Variants in FKRP observed in about 807,000 individuals in gnomAD.
FKRP encodes ribitol 5-phosphate transferase FKRP.
In FKRP, 25 loss-of-function variants were observed where a neutral mutation model predicts 30.6. The observed-to-expected ratio is 0.82, with a 90% CI of 0.60 to 1.14. The LOEUF is 1.14. FKRP is among the 50% of genes most tolerant of loss of function. The probability of loss-of-function intolerance (pLI) is 0.00; values close to 1 mark genes in which losing one functional copy is unlikely to be tolerated. For missense variants in FKRP, 771 were observed against 727.8 expected (o/e 1.06, Z -0.68); for synonymous variants, 358 against 342.5 (o/e 1.05, Z -0.50).
At chr19:46,754,028 C>G (rs1022162312) in intron 3 of FKRP, 8 of 151,936 alleles carry the variant, frequency 5.3e-5, no homozygotes, top group Non-Finnish European at 1.0e-4. Flanking sequence ...AGGTTGGCAG[C>G]CTCTTTTGAT....
chr19:46,748,148 A>G (rs2054704296), intron 2 of FKRP, 60 bp downstream of exon 2: 1 of 152,092 alleles, frequency 6.6e-6, no homozygotes, highest in East Asian at 1.9e-4. Context: ...TCATTCCTTA[A>G]GGCTTTCCCA....
chr19:46,751,283 G>C (rs1616495), intron 3 of FKRP, among the ~76,000 whole-genome samples: 107,685 of 151,900 alleles, frequency 0.71, 38,573 homozygotes, highest in African/African-American at 0.79. Flanking sequence ...AGGCTGATCT[G>C]AAACTCCTGG....
In FKRP at chr19:46,746,502, C is replaced by CG. The variant is rs1491025979; in HGVS notation, c.-253+412_-253+413insG. 4 of 796,200 alleles carry CG rather than the reference C, an allele frequency of 5.0e-6. No individual in the cohort carries two copies. In the African/African-American group the frequency reaches 7.8e-5, roughly 15 times the overall value. The allele number at this position is 796,200 out of a possible 1,614,324, so 49.3% of individuals were successfully genotyped here. ...GCGCGGCCGCGCCAACACCCCCCCC[C>CG]CTCCCCCGCCGCAACCACCGCGCGC... On this transcript the variant is annotated intron_variant, in intron 1 of 3. Transcript: ENST00000318584.
chr19:46,755,350 G>T (rs2054885200), intron 3 of FKRP, 62 bp from the exon 4 acceptor site: 1 of 1,061,880 alleles, frequency 9.4e-7, no homozygotes, highest in African/African-American at 1.6e-5. Flanking sequence ...AAGGCTGAGG[G>T]TGGCAGAAGG....
chr19:46,750,800 A>G (rs2054776234), intron 3 of FKRP, among the ~76,000 whole-genome samples: 1 of 151,856 alleles, frequency 6.6e-6, no homozygotes, highest in Admixed American at 6.6e-5. Flanking sequence ...TAGTGCTAGG[A>G]TTACAGGAGT....
Position 46,756,546 on chromosome 19 carries a change from G to A in FKRP, c.1096G>A (p.Gly366Ser), listed in dbSNP as rs1214973681. 1.2e-6 allele frequency: 2 copies of A among 1,605,508 alleles called. No individual in the cohort carries two copies. The highest frequency in any genetic ancestry group is 1.1e-5 in the South Asian group (1 of 89,500). ...IIPWDYDVDL[G>S]IYLEDVGNCE... ...CCCATGGGACTACGACGTGGACCTG[G>A]GCATCTACTTGGAGGACGTGGGCAA... Residue 366 changes from glycine to serine, a missense_variant, in exon 4 of 4, where the codon GGC becomes AGC. By Grantham distance (56) the Gly-to-Ser change is moderately conservative. Coordinates refer to ENST00000318584, the MANE Select transcript of FKRP (RefSeq NM_024301.5). The surrounding 1 kb of genome is among the most constrained non-coding windows in gnomAD (Gnocchi z 6.6).
In FKRP at chr19:46,756,385, G is replaced by A; in HGVS notation, c.935G>A (p.Arg312His). 1.3e-6 allele frequency: 2 copies of A among 1,565,198 alleles called. No homozygotes were observed. Among genetic ancestry groups the A allele is most frequent in the Admixed American group, 1.9e-5 (1 of 52,338 alleles). ...GDTPAYLYEE[R>H]WTPPCCLRAL... The stretch of plus-strand genomic sequence containing the variant: ...ACGCCCGCCTACCTCTACGAGGAGC[G>A]CTGGACGCCCCCCTGCTGCCTGCGC... The change falls in exon 4 of 4, where the codon CGC becomes CAC. Residue 312 changes from arginine to histidine, a missense_variant. By Grantham distance (29) the Arg-to-His change is conservative. Transcript: ENST00000318584. This position sits in a 1 kb window ranked among gnomAD's most constrained non-coding sequence, Gnocchi z 6.6.
chr19:46,754,831 C>T (rs571777332), intron 3 of FKRP, among the ~76,000 whole-genome samples: 39 of 152,262 alleles, frequency 2.6e-4, no homozygotes, highest in African/African-American at 8.9e-4. Context: ...GTCTCAAACT[C>T]CTGACCTCAG....
Position 46,756,413 on chromosome 19 carries a change from G to C in FKRP, c.963G>C (p.Ala321=), listed in dbSNP as rs2054925068. ...ERWTPPCCLR[A]LRETARYVVG... ...GGACGCCCCCCTGCTGCCTGCGCGC[G>C]CTGCGCGAGACCGCCCGCTATGTGG... Residue 321 remains alanine (A), a synonymous_variant, in exon 4 of 4, where the codon GCG becomes GCC. Transcript: ENST00000318584. The surrounding 1 kb of genome is among the most constrained non-coding windows in gnomAD (Gnocchi z 6.6). 1.3e-6 allele frequency: 2 copies of C among 1,575,966 alleles called. No individual in the cohort carries two copies. Among genetic ancestry groups the C allele is most frequent in the African/African-American group, 1.3e-5 (1 of 74,568 alleles).
chr19:46,745,849 C>G (rs1416416029), upstream of FKRP: 8 of 290,362 alleles, frequency 2.8e-5, no homozygotes, highest in Non-Finnish European at 4.5e-5. Flanking sequence ...GTCCCAGTCC[C>G]ACTCCCAGCT....
chr19:46,752,546 G>A (rs1320562397), intron 3 of FKRP, among the ~76,000 whole-genome samples: 10 of 152,130 alleles, frequency 6.6e-5, no homozygotes, highest in Non-Finnish European at 1.5e-4. Flanking sequence ...TCAATCTAAG[G>A]TCCAGAAGGC....
At position 46,756,291 on chromosome 19, in the gene FKRP, G is replaced by C; in HGVS notation, c.841G>C (p.Gly281Arg). Residue 281 changes from glycine to arginine, a missense_variant, in exon 4 of 4, where the codon GGC becomes CGC. By Grantham distance (125) the Gly-to-Arg change is moderately radical (BLOSUM62 -2). Transcript: ENST00000318584. This position sits in a 1 kb window ranked among gnomAD's most constrained non-coding sequence, Gnocchi z 6.6. ...GGGCATCCGCCTAGTGAGCTGGGAA[G>C]GCGGGCGGCTGGAGTGGTTCGGCTG... ...ALGIRLVSWE[G>R]GRLEWFGCNK... is the part of the protein sequence containing the mutation. 2 of 1,531,422 alleles carry C rather than the reference G, an allele frequency of 1.3e-6. No homozygotes were observed. The highest frequency in any genetic ancestry group is 1.7e-6 in the Non-Finnish European group (2 of 1,143,418). The allele number at this position is 1,531,422 out of a possible 1,614,324, so 94.9% of individuals were successfully genotyped here.
intron 1 of FKRP, chr19:46,747,718 G>A (rs1308729106): frequency 2.6e-5 from 4 of 152,042 alleles, no homozygotes; most frequent in Non-Finnish European, 5.9e-5. Flanking sequence ...GATGTTTTAA[G>A]AATGTCTCTC....
Position 46,757,225 on chromosome 19 carries a change from T to C in FKRP, c.*287T>C. On this transcript the variant is annotated 3_prime_UTR_variant, in exon 4 of 4. Transcript: ENST00000318584. ...TCAGTCATGGAGGGAGACGGGGATG[T>C]CACGCCGTCCCGCAGGGCCCAGCAC... 1.8e-6 allele frequency: 1 copy of C among 552,736 alleles called. No individual in the cohort carries two copies. The highest frequency in any genetic ancestry group is 3.4e-6 in the Non-Finnish European group (1 of 296,916). The allele number at this position is 552,736 out of a possible 1,614,324, so 34.2% of individuals were successfully genotyped here. A position where few individuals can be genotyped will look rare whatever the true frequency, so the allele number is the denominator to read the frequency against.
Position 46,756,138 on chromosome 19 carries a change from G to A in FKRP, c.688G>A (p.Gly230Ser), listed in dbSNP as rs761054322. 4.7e-6 allele frequency: 7 copies of A among 1,487,574 alleles called. No homozygotes were observed. Among genetic ancestry groups the A allele is most frequent in the Middle Eastern group, 1.7e-4 (1 of 5,770 alleles). 92.1% of individuals were successfully genotyped at this position (1,487,574 alleles called of 1,614,324 possible). ...TSLFLQTALR[G>S]WAVQLLDLTF... is the part of the protein sequence containing the mutation. ...CCTCTTTCTGCAGACCGCCCTTCGCGGCTGGGCGGTGCAGCTGCTGGACTT... is the reference window on the plus strand; with the variant it reads ...CCTCTTTCTGCAGACCGCCCTTCGCAGCTGGGCGGTGCAGCTGCTGGACTT... The change falls in exon 4 of 4, where the codon GGC becomes AGC. Residue 230 changes from glycine (G) to serine (S), a missense_variant. Transcript: ENST00000318584. The surrounding 1 kb of genome is among the most constrained non-coding windows in gnomAD (Gnocchi z 6.6).
intron 1 of FKRP, 23 bp downstream of exon 1, chr19:46,746,113 C>CGGGCCGGGTTGG (rs1555735586): frequency 2.8e-6 from 4 of 1,450,796 alleles, no homozygotes; most frequent in Non-Finnish European, 3.6e-6. Context: ...CGGGCCGGGC[C>CGGGCCGGGTTGG]GGGTTGGGGG....
chr19:46,746,379 G>A lies in FKRP; in HGVS notation c.-253+289G>A, dbSNP rs1204629776. The A allele has an allele frequency of 9.4e-5, 106 of 1,127,546 alleles. No individual in the cohort carries two copies. The highest frequency in any genetic ancestry group is 1.1e-4 in the Non-Finnish European group (99 of 922,836). The allele number at this position is 1,127,546 out of a possible 1,614,324, so 69.8% of individuals were successfully genotyped here. On this transcript the variant is annotated intron_variant, in intron 1 of 3. Coordinates refer to ENST00000318584, the MANE Select transcript of FKRP (RefSeq NM_024301.5). ...GGGCCCGCGCCTGAGCCGAGCGGAC[G>A]GCAGGAGGAGGCGGCGGCGGCGACC... is the stretch of plus-strand genomic sequence containing the variant.
At chr19:46,750,131 C>G (rs2054762348) in intron 3 of FKRP, among the ~76,000 whole-genome samples, 1 of 152,198 alleles carries the variant, frequency 6.6e-6, no homozygotes. Context: ...TTATTATCCT[C>G]CCGATTCAGA....
Position 46,755,653 on chromosome 19 carries a change from A to C in FKRP, c.203A>C (p.Asp68Ala), listed in dbSNP as rs779035324. The change falls in exon 4 of 4, where the codon GAC (aspartate) becomes GCC (alanine). Residue 68 changes from aspartate (D) to alanine (A), a missense_variant. Physicochemically the swap from Asp to Ala is moderately radical, Grantham distance 126. Transcript: ENST00000318584. ...GACAACGCGGTGCCCGAGCTGGTAG[A>C]CTCCTTCCTGCAGCAAGACCCAGCC... is the stretch of plus-strand genomic sequence containing the variant. Reference protein sequence around the residue: ...AFDNAVPELVDSFLQQDPAQP... With the variant: ...AFDNAVPELVASFLQQDPAQP... The C allele has an allele frequency of 1.9e-6, 3 of 1,596,182 alleles. No individual in the cohort carries two copies. Among genetic ancestry groups the C allele is most frequent in the Admixed American group, 3.4e-5 (2 of 59,502 alleles).
Sources: allele counts gnomAD v4.1 joint callset (sites outside exome capture counted in the v4.1 genomes callset), GRCh38; gene constraint gnomAD v4.1.1; non-coding constraint Gnocchi (gnomAD v3.1); transcripts MANE v1.5; gene names NCBI Gene and HGNC (gene_info 2026-07-23, HGNC 2026-07-21).